The following WDR11 variants were observed in gnomAD, a reference collection of about 807,000 sequenced individuals.
WDR11 encodes WD repeat-containing protein 11.
A neutral mutation model predicts 151.2 loss-of-function variants in WDR11; 83 were observed. The ratio of observed to expected loss-of-function variants is 0.55; its 90% CI spans 0.46 to 0.66. The LOEUF is 0.66. Among genes scored for constraint, WDR11 ranks in the 30% least tolerant of loss-of-function variants. WDR11 has a pLI of 0.00. For missense variants in WDR11, 1,301 were observed against 1,480.9 expected (o/e 0.88, Z 1.99); for synonymous variants, 484 against 533.1 (o/e 0.91, Z 1.27).
chr10:120,889,232 G>A, intron 17 of WDR11, 48 bp downstream of exon 17: 3 of 1,050,518 alleles, frequency 2.9e-6, no homozygotes, highest in East Asian at 2.6e-5. Context: ...AAAAAGAAAT[G>A]AAATCTTTTT....
intron 22 of WDR11, 139 bp from the exon 23 acceptor site, chr10:120,902,916 C>A (rs900250433): frequency 5.6e-6 from 5 of 887,832 alleles, no homozygotes; most frequent in African/African-American, 5.0e-5. Context: ...GCTGCCTCCC[C>A]CTTTCACCCT....
intron 22 of WDR11, 73 bp from the exon 23 acceptor site, chr10:120,902,982 C>T (rs1847884514): frequency 1.3e-6 from 2 of 1,492,808 alleles, no homozygotes; most frequent in Admixed American, 1.7e-5. Flanking sequence ...CTTCCAGTCC[C>T]TCAGTCTACT....
At chr10:120,855,185 A>C (rs1845905773) in intron 2 of WDR11, among the ~76,000 whole-genome samples, 2 of 152,228 alleles carry the variant, frequency 1.3e-5, no homozygotes, top group East Asian at 3.9e-4. Flanking sequence ...AAGTAAAATA[A>C]GGGTTACTTG....
At position 120,905,880 on chromosome 10, in the gene WDR11, G is replaced by A. The variant is rs753424669; in HGVS notation, c.3296G>A (p.Arg1099His). The stretch of plus-strand genomic sequence containing the variant: ...TAACACAGGCGTCTTTCTCAGGTCC[G>A]TTTGAATCCTGAGGAGTGTGCCGAT... Reference protein sequence around the residue: ...WNRAAWLAKVRLNPEECADVL... With the variant: ...WNRAAWLAKVHLNPEECADVL... Residue 1099 changes from arginine (R) to histidine (H), a missense_variant, in exon 27 of 29, where the codon CGT (arginine) becomes CAT (histidine). This residue lies in a region of WDR11 where 589 missense variants were observed against 670.6 expected (regional missense o/e 0.88). Transcript: ENST00000263461. The A allele has an allele frequency of 6.8e-6, 11 of 1,614,016 alleles. No homozygotes were observed. The highest frequency in any genetic ancestry group is 2.2e-5 in the South Asian group (2 of 91,080).
chr10:120,905,798 T>A lies in WDR11; in HGVS notation c.3292-78T>A, dbSNP rs3740306. On this transcript the variant is annotated intron_variant, in intron 26 of 28. Transcript: ENST00000263461. ...ATAGCCTGTATTTCATAGAAACAGA[T>A]CTCACTTTAACTGAATTATTATTTT... 544,851 of 1,610,176 alleles carry A rather than the reference T, an allele frequency of 0.34. 94,474 individuals are homozygous for A. The highest frequency in any genetic ancestry group is 0.48 in the Admixed American group (28,810 of 59,906).
intron 2 of WDR11, 33 bp downstream of exon 2, chr10:120,852,668 T>C (rs1845821421): frequency 6.4e-7 from 1 of 1,565,714 alleles, no homozygotes. Flanking sequence ...GCTAACATGT[T>C]GTCTAGTCTA....
intron 12 of WDR11, 186 bp from the exon 13 acceptor site, chr10:120,880,640 C>G: frequency 1.8e-6 from 1 of 557,818 alleles, no homozygotes; most frequent in East Asian, 3.3e-5. Context: ...GCCTGGGTAA[C>G]AAAGTGAGAC....
chr10:120,902,943 G>C, intron 22 of WDR11, 112 bp from the exon 23 acceptor site: 1 of 1,125,040 alleles, frequency 8.9e-7, no homozygotes, highest in Non-Finnish European at 1.3e-6. Flanking sequence ...CCCCATGCCA[G>C]TATCCCAGTG....
rs371797986 is a variant in WDR11, at chr10:120,902,329, T to C, written c.2753+7T>C. 1.9e-6 allele frequency: 3 copies of C among 1,611,378 alleles called. No individual in the cohort carries two copies. The highest frequency in any genetic ancestry group is 1.7e-6 in the Non-Finnish European group (2 of 1,177,610). Reference sequence around the variant, plus strand: ...GGTGCCTGCTTGTTTCAAGGTAATATTGTTTGATGTATTCTGTATAAGAGA... The same window carrying C: ...GGTGCCTGCTTGTTTCAAGGTAATACTGTTTGATGTATTCTGTATAAGAGA... On this transcript the variant is annotated splice_region_variant and intron_variant, in intron 22 of 28. Transcript: ENST00000263461.
At chr10:120,889,723 A>G (rs981560108) in intron 17 of WDR11, 172 bp from the exon 18 acceptor site, 1 of 639,048 alleles carries the variant, frequency 1.6e-6, no homozygotes, top group African/African-American at 1.8e-5. Flanking sequence ...GTCTTAGCTG[A>G]CCTTAAAGGG....
rs1848073499 is a variant in WDR11 at position 120,906,828 on chromosome 10, G to A, written c.3490G>A (p.Gly1164Arg). Reference sequence around the variant, plus strand: ...ATTTGTGGAAGCTTGCCTCAAGTATGGAGCATTTGAAGTCACTGAGGACAC... The same window carrying A: ...ATTTGTGGAAGCTTGCCTCAAGTATAGAGCATTTGAAGTCACTGAGGACAC... ...ALFVEACLKYGAFEVTEDTEK... is the reference protein window; with the variant it reads ...ALFVEACLKYRAFEVTEDTEK... The change falls in exon 28 of 29, where the codon GGA becomes AGA. Residue 1164 changes from glycine to arginine, a missense_variant. By Grantham distance (125) the Gly-to-Arg change is moderately radical. This residue lies in a region of WDR11 where 589 missense variants were observed against 670.6 expected (regional missense o/e 0.88). Coordinates refer to ENST00000263461, the MANE Select transcript of WDR11 (RefSeq NM_018117.12). The A allele has an allele frequency of 1.2e-6, 2 of 1,614,160 alleles. No homozygotes were observed. Among genetic ancestry groups the A allele is most frequent in the African/African-American group, 1.3e-5 (1 of 75,048 alleles).
chr10:120,882,992 T>C (rs1847076880), intron 13 of WDR11, among the ~76,000 whole-genome samples: 1 of 152,188 alleles, frequency 6.6e-6, no homozygotes, highest in African/African-American at 2.4e-5. Flanking sequence ...CTACAATTTT[T>C]GTTATGGTTA....
At chr10:120,875,939 C>T (rs1846759939) in intron 11 of WDR11, among the ~76,000 whole-genome samples, 1 of 150,574 alleles carries the variant, frequency 6.6e-6, no homozygotes, top group African/African-American at 2.4e-5. Flanking sequence ...ATCCTGAGTA[C>T]ATGCATTTTC....
chr10:120,852,146 T>C (rs1845798063), intron 1 of WDR11: 1 of 268,162 alleles, frequency 3.7e-6, no homozygotes, highest in African/African-American at 2.2e-5. Context: ...TGTCGTTTTA[T>C]TTAGTTGGAA....
In WDR11 at chr10:120,869,858, C is replaced by T. The variant is rs548780985; in HGVS notation, c.1295-1312C>T. Among the ~76,000 whole-genome samples, 5 of 152,154 alleles carry T rather than the reference C, an allele frequency of 3.3e-5. No homozygotes were observed. The East Asian group carries it at 5.8e-4, about 18-fold the overall frequency. ...AGGCTGGAGTGCGGTGGCGCAATCT[C>T]GGCTCATTGCAACCTCCACCTCCCG... is the stretch of plus-strand genomic sequence containing the variant. On this transcript the variant is annotated intron_variant, in intron 9 of 28. Coordinates refer to ENST00000263461, the MANE Select transcript of WDR11 (RefSeq NM_018117.12).
At chr10:120,898,557 C>T (rs1413617025) in intron 19 of WDR11, among the ~76,000 whole-genome samples, 2 of 152,172 alleles carry the variant, frequency 1.3e-5, no homozygotes, top group Non-Finnish European at 2.9e-5. Flanking sequence ...CCACCCAAAT[C>T]TCATGTCAAA....
intron 1 of WDR11, chr10:120,852,021 C>T (rs1447680105): frequency 4.8e-6 from 1 of 209,610 alleles, no homozygotes; most frequent in Non-Finnish European, 9.6e-6. Context: ...ATTACTCTCT[C>T]CTTTCACTAT....
intron 14 of WDR11, 50 bp downstream of exon 14, chr10:120,883,938 T>A (rs1169288248): frequency 6.8e-7 from 1 of 1,470,354 alleles, no homozygotes; most frequent in Non-Finnish European, 9.5e-7. Context: ...TATATGTATG[T>A]GGTGAATGTT....
chr10:120,907,131 TAAA>T (rs929360379), intron 28 of WDR11, among the ~76,000 whole-genome samples: 2 of 152,034 alleles, frequency 1.3e-5, no homozygotes, highest in African/African-American at 4.8e-5. Flanking sequence ...TGTCTGAACT[TAAA>T]AAGAAGATGA....
Sources: allele counts gnomAD v4.1 joint callset (sites outside exome capture counted in the v4.1 genomes callset), GRCh38; gene constraint gnomAD v4.1.1; regional missense constraint gnomAD v4.1.1; transcripts MANE v1.5; gene names NCBI Gene and HGNC (gene_info 2026-07-23, HGNC 2026-07-21).